NUDCD3: variants seen among roughly 807,000 people sequenced by gnomAD.
NUDCD3 encodes NudC domain containing 3.
NUDCD3 carries 13 observed loss-of-function variants against 39.7 expected under a neutral mutation model. The ratio of observed to expected loss-of-function variants is 0.33; its 90% CI spans 0.21 to 0.52. The LOEUF (loss-of-function observed/expected upper bound fraction) is 0.52. Ranked by LOEUF, NUDCD3 falls within the 20% of genes least tolerant of loss-of-function variation. NUDCD3 has a pLI of 0.96. For missense variants in NUDCD3, 453 were observed against 458.1 expected (o/e 0.99, Z 0.10); for synonymous variants, 175 against 172.4 (o/e 1.02, Z -0.12).
intron 2 of NUDCD3, among the ~76,000 whole-genome samples, chr7:44,455,612 G>A (rs756323080): frequency 2.2e-4 from 33 of 152,278 alleles, no homozygotes; most frequent in Middle Eastern, 3.4e-3. Flanking sequence ...GCATGACAGC[G>A]CAAGTGTGTG....
chr7:44,387,895 G>C (rs1481444271), intron 5 of NUDCD3, among the ~76,000 whole-genome samples: 2 of 152,148 alleles, frequency 1.3e-5, no homozygotes, highest in African/African-American at 4.8e-5. Flanking sequence ...ATTACTGTTA[G>C]GGTGAATCCT....
chr7:44,443,264 A>C (rs1009986323), intron 2 of NUDCD3, among the ~76,000 whole-genome samples: 4 of 152,192 alleles, frequency 2.6e-5, no homozygotes, highest in Non-Finnish European at 5.9e-5. Flanking sequence ...AACAGGTACA[A>C]TGAGACTGCA....
chr7:44,482,400 G>C (rs1281729181), intron 2 of NUDCD3, among the ~76,000 whole-genome samples: 1 of 152,130 alleles, frequency 6.6e-6, no homozygotes, highest in African/African-American at 2.4e-5. Flanking sequence ...TAAAATAAAA[G>C]TACCCTAGAT....
At chr7:44,392,577 C>T in intron 4 of NUDCD3, 92 bp from the exon 5 acceptor site, 1 of 1,138,342 alleles carries the variant, frequency 8.8e-7, no homozygotes, top group East Asian at 2.4e-5. Flanking sequence ...GGATGGGTGT[C>T]CAGGATAAGC....
intron 2 of NUDCD3, among the ~76,000 whole-genome samples, chr7:44,450,287 C>T (rs1409809929): frequency 2.0e-5 from 3 of 151,770 alleles, no homozygotes; most frequent in Non-Finnish European, 4.4e-5. Flanking sequence ...AAGAGATTCT[C>T]GTGCCTCAGC....
intron 5 of NUDCD3, among the ~76,000 whole-genome samples, chr7:44,390,717 C>T (rs1450139623): frequency 2.6e-5 from 4 of 152,154 alleles, no homozygotes; most frequent in Admixed American, 2.6e-4. Flanking sequence ...ACAGAGTGGG[C>T]AGACCCTCAC....
At chr7:44,483,296 T>C (rs1187325388) in intron 2 of NUDCD3, among the ~76,000 whole-genome samples, 1 of 152,138 alleles carries the variant, frequency 6.6e-6, no homozygotes, top group African/African-American at 2.4e-5. Context: ...AATGGAATGA[T>C]AGTCTTTAAA....
intron 2 of NUDCD3, among the ~76,000 whole-genome samples, chr7:44,443,857 G>C (rs1799640607): frequency 6.6e-6 from 1 of 152,172 alleles, no homozygotes; most frequent in African/African-American, 2.4e-5. Context: ...GTTCTCCTGG[G>C]AGGTGGTTTA....
At chr7:44,479,345 C>T (rs750977540) in intron 2 of NUDCD3, among the ~76,000 whole-genome samples, 1 of 152,098 alleles carries the variant, frequency 6.6e-6, no homozygotes, top group East Asian at 1.9e-4. Flanking sequence ...TTTACTAAAA[C>T]ACAAAACAAT....
At chr7:44,461,157 C>G (rs1800002445) in intron 2 of NUDCD3, among the ~76,000 whole-genome samples, 1 of 152,200 alleles carries the variant, frequency 6.6e-6, no homozygotes, top group Admixed American at 6.5e-5. Flanking sequence ...CTCCCTTCTC[C>G]TGGCTTCTTC....
intron 5 of NUDCD3, among the ~76,000 whole-genome samples, chr7:44,391,083 C>T (rs2116859122): frequency 6.6e-6 from 1 of 152,276 alleles, no homozygotes; most frequent in Non-Finnish European, 1.5e-5. Flanking sequence ...GAGGTCAAAC[C>T]CCATCCCTGC....
At chr7:44,389,238 T>G (rs918017660) in intron 5 of NUDCD3, among the ~76,000 whole-genome samples, 5 of 151,580 alleles carry the variant, frequency 3.3e-5, no homozygotes, top group African/African-American at 1.2e-4. Context: ...CTTTCACCCC[T>G]TGAGGTTGGC....
chr7:44,405,047 C>A (rs1336638023), intron 3 of NUDCD3, among the ~76,000 whole-genome samples: 3 of 152,332 alleles, frequency 2.0e-5, no homozygotes, highest in Non-Finnish European at 4.4e-5. Context: ...GACTGCTGTA[C>A]AAGAGACAAG....
At chr7:44,397,357 A>G (rs1264941753) in intron 4 of NUDCD3, among the ~76,000 whole-genome samples, 1 of 152,150 alleles carries the variant, frequency 6.6e-6, no homozygotes, top group Non-Finnish European at 1.5e-5. Flanking sequence ...CTCCTTGGTA[A>G]GTAGCCAGGA....
chr7:44,402,547 C>T (rs999406457), intron 4 of NUDCD3: 15 of 424,408 alleles, frequency 3.5e-5, no homozygotes, highest in South Asian at 1.5e-4. Flanking sequence ...ATTCCAAATA[C>T]GGTGGCTATG....
intron 2 of NUDCD3, among the ~76,000 whole-genome samples, chr7:44,442,491 A>C (rs1276207901): frequency 3.3e-5 from 5 of 152,156 alleles, no homozygotes; most frequent in African/African-American, 1.2e-4. Context: ...GACCCAGGGC[A>C]GGGCCAAGGA....
intron 2 of NUDCD3, among the ~76,000 whole-genome samples, chr7:44,458,229 A>G (rs1320528848): frequency 6.6e-6 from 1 of 152,280 alleles, no homozygotes; most frequent in Non-Finnish European, 1.5e-5. Flanking sequence ...CACATAATGT[A>G]TTATTCCATT....
rs566370655 is a variant in NUDCD3 at position 44,485,356 on chromosome 7, G to A, written c.193-72C>T. The A allele has an allele frequency of 3.8e-5, 50 of 1,310,842 alleles. 1 individual carries two copies. The East Asian group carries it at 4.9e-4, about 13-fold the overall frequency. The allele number at this position is 1,310,842 out of a possible 1,614,324, so 81.2% of individuals were successfully genotyped here. On this transcript the variant is annotated intron_variant, in intron 1 of 5. Coordinates refer to ENST00000355451, the MANE Select transcript of NUDCD3 (RefSeq NM_015332.4). ...GTACCACATATCTTGTAGAAATGTC[G>A]TAAAATCTGTGAAGGAGAGAACTAA...
intron 1 of NUDCD3, among the ~76,000 whole-genome samples, chr7:44,489,308 C>T (rs936508552): frequency 6.6e-6 from 1 of 152,196 alleles, no homozygotes; most frequent in Admixed American, 6.5e-5. Context: ...CTGACAAGGA[C>T]GAGGAATAGC....
Sources: gnomAD v4.1 joint callset for allele counts (sites outside exome capture counted in the v4.1 genomes callset) on GRCh38, gnomAD v4.1.1 for gene constraint, MANE v1.5 for transcripts, NCBI Gene and HGNC (gene_info 2026-07-23, HGNC 2026-07-21) for gene names.